Variants in INIP observed in about 807,000 individuals in gnomAD.
INIP encodes the protein INTS3 and NABP interacting protein, also known as SOSS complex subunit C.
INIP carries 9 observed loss-of-function variants against 14.0 expected under a neutral mutation model. The ratio of observed to expected loss-of-function variants is 0.64; its 90% CI spans 0.39 to 1.12. The LOEUF (loss-of-function observed/expected upper bound fraction) is 1.12, where lower values mean the gene tolerates loss of function less well. Ranked by LOEUF, INIP falls within the 50% of genes most tolerant of loss-of-function variation. INIP has a pLI of 0.01. For missense variants in INIP, 78 were observed against 122.7 expected (o/e 0.64, Z 1.72); for synonymous variants, 37 against 41.5 (o/e 0.89, Z 0.41).
chr9:112,700,607 T>G (rs1401765150), intron 2 of INIP, among the ~76,000 whole-genome samples: 1 of 149,138 alleles, frequency 6.7e-6, no homozygotes, highest in Non-Finnish European at 1.5e-5. Flanking sequence ...CTACTACAAT[T>G]TTTAGGCATT....
At chr9:112,695,831 GGAGAAGAAGGAGA>G (rs1420249116) in intron 2 of INIP, among the ~76,000 whole-genome samples, 74 of 149,012 alleles carry the variant, frequency 5.0e-4, no homozygotes, top group African/African-American at 1.7e-3. Flanking sequence ...AGAAGAAGAA[GGAGAAGAAGGAGA>G]AGAAGAAGGA....
intron 3 of INIP, among the ~76,000 whole-genome samples, chr9:112,689,931 G>A (rs1223899244): frequency 6.6e-6 from 1 of 151,982 alleles, no homozygotes; most frequent in Non-Finnish European, 1.5e-5. Flanking sequence ...TAGTCACTAT[G>A]CTATATAGTA....
chr9:112,685,812 C>T lies in INIP; in HGVS notation c.*1726G>A, dbSNP rs1023791830. On this transcript the variant is annotated 3_prime_UTR_variant, in exon 5 of 5. Transcript: ENST00000374242. ...CAGGAGCCAGAGGCCCCCTGAGGAGCTCTGCGCCGCAGAAGTAAGGCTATC... is the reference window on the plus strand; with the variant it reads ...CAGGAGCCAGAGGCCCCCTGAGGAGTTCTGCGCCGCAGAAGTAAGGCTATC... 8.5e-5 allele frequency: 13 copies of T among 152,198 alleles called. No individual in the cohort carries two copies. Among genetic ancestry groups the T allele is most frequent in the Non-Finnish European group, 2.9e-5 (2 of 68,044 alleles). The allele number at this position is 152,198 out of a possible 1,614,324, so 9.4% of individuals were successfully genotyped here.
chr9:112,695,468 GA>G (rs1588076255), intron 2 of INIP, among the ~76,000 whole-genome samples: 1 of 152,092 alleles, frequency 6.6e-6, no homozygotes, highest in East Asian at 1.9e-4. Context: ...CTCTCCTTGG[GA>G]GAGGAGCAGA....
At chr9:112,707,860 C>T (rs920942765) in intron 2 of INIP, among the ~76,000 whole-genome samples, 12 of 152,156 alleles carry the variant, frequency 7.9e-5, no homozygotes, top group Non-Finnish European at 1.2e-4. Context: ...ACTAGAGCAA[C>T]GTCACTGTGG....
chr9:112,714,683 AT>A (rs1466857254), intron 2 of INIP, among the ~76,000 whole-genome samples: 3 of 152,372 alleles, frequency 2.0e-5, no homozygotes, highest in African/African-American at 7.2e-5. Context: ...TGTGAATACA[AT>A]TTCAATGTAA....
At chr9:112,704,037 A>G (rs369962402) in intron 2 of INIP, among the ~76,000 whole-genome samples, 11 of 152,202 alleles carry the variant, frequency 7.2e-5, no homozygotes, top group African/African-American at 2.7e-4. Context: ...CCTGTTAAGT[A>G]TATGTCTATT....
chr9:112,691,879 G>A (rs1051954654), intron 3 of INIP, among the ~76,000 whole-genome samples: 3 of 152,036 alleles, frequency 2.0e-5, no homozygotes, highest in African/African-American at 7.2e-5. Flanking sequence ...GTGTGGTGGG[G>A]TACGCCTGTA....
chr9:112,701,159 T>C (rs928873193), intron 2 of INIP, among the ~76,000 whole-genome samples: 2 of 151,930 alleles, frequency 1.3e-5, no homozygotes, highest in Non-Finnish European at 2.9e-5. Flanking sequence ...ACACAAAAAA[T>C]CAGTCAGGTG....
At chr9:112,694,273 A>G in intron 2 of INIP, 40 bp from the exon 3 acceptor site, 1 of 1,213,704 alleles carries the variant, frequency 8.2e-7, no homozygotes, top group Non-Finnish European at 1.2e-6. Flanking sequence ...GGAGAAAGAG[A>G]GAGTAATCAG....
At chr9:112,704,760 G>GA (rs112432142) in intron 2 of INIP, among the ~76,000 whole-genome samples, 13,590 of 152,124 alleles carry the variant, frequency 0.089, 653 homozygotes, top group South Asian at 0.12. Context: ...TATAATTCTG[G>GA]AAAGTATAGA....
intron 2 of INIP, among the ~76,000 whole-genome samples, chr9:112,699,135 T>C (rs958796122): frequency 1.3e-5 from 2 of 151,794 alleles, no homozygotes; most frequent in Admixed American, 6.6e-5. Flanking sequence ...CTGGGCAACA[T>C]AGCAAGACCC....
chr9:112,700,596 A>G (rs115203228), intron 2 of INIP, among the ~76,000 whole-genome samples: 2,132 of 148,468 alleles, frequency 0.014, 47 homozygotes, highest in African/African-American at 0.049. Context: ...TATAAACATA[A>G]CTACTACAAT....
intron 2 of INIP, among the ~76,000 whole-genome samples, chr9:112,697,112 C>T (rs548344801): frequency 6.6e-6 from 1 of 152,300 alleles, no homozygotes; most frequent in South Asian, 2.1e-4. Context: ...AACCAGCCTC[C>T]ATCCAGGGCC....
chr9:112,702,533 G>C (rs1358078586), intron 2 of INIP, among the ~76,000 whole-genome samples: 3 of 152,070 alleles, frequency 2.0e-5, no homozygotes, highest in Non-Finnish European at 1.5e-5. Flanking sequence ...TGTGCAAAAC[G>C]CTCATGTTCC....
At chr9:112,689,928 T>C (rs1056515439) in intron 3 of INIP, among the ~76,000 whole-genome samples, 1 of 152,194 alleles carries the variant, frequency 6.6e-6, no homozygotes, top group African/African-American at 2.4e-5. Context: ...CTATAGTCAC[T>C]ATGCTATATA....
intron 2 of INIP, among the ~76,000 whole-genome samples, chr9:112,700,151 C>T (rs1838240867): frequency 6.6e-6 from 1 of 152,086 alleles, no homozygotes; most frequent in Non-Finnish European, 1.5e-5. Flanking sequence ...GTTCAGACAC[C>T]ACCAATCCTC....
At chr9:112,705,146 ATAAAT>A (rs1265101635) in intron 2 of INIP, among the ~76,000 whole-genome samples, 2 of 151,278 alleles carry the variant, frequency 1.3e-5, no homozygotes. Flanking sequence ...TATAGAATGA[ATAAAT>A]TAAACCAACA....
At chr9:112,713,899 G>A (rs889195622) in intron 2 of INIP, among the ~76,000 whole-genome samples, 3 of 151,588 alleles carry the variant, frequency 2.0e-5, no homozygotes, top group Non-Finnish European at 4.4e-5. Flanking sequence ...CAGGAGAATC[G>A]CTTGAACCCA....
Sources: allele counts gnomAD v4.1 joint callset (sites outside exome capture counted in the v4.1 genomes callset), GRCh38; gene constraint gnomAD v4.1.1; transcripts MANE v1.5; gene names NCBI Gene and HGNC (gene_info 2026-07-23, HGNC 2026-07-21).